FHOD3: variants seen among roughly 807,000 people sequenced by gnomAD.
FHOD3 encodes the protein formin homology 2 domain containing 3.
A neutral mutation model predicts 173.0 loss-of-function variants in FHOD3; 90 were observed. The ratio of observed to expected loss-of-function variants is 0.52; its 90% confidence interval spans 0.44 to 0.62. The LOEUF (loss-of-function observed/expected upper bound fraction) is 0.62. Ranked by LOEUF, FHOD3 falls within the 20% of genes least tolerant of loss-of-function variation. The probability of loss-of-function intolerance (pLI) is 0.00; values close to 1 mark genes in which losing one functional copy is unlikely to be tolerated. For synonymous variants in FHOD3, 828 were observed against 823.0 expected, an observed-to-expected ratio of 1.01 and a Z score of -0.10; for missense variants, 1,945 against 2,034.7, an observed-to-expected ratio of 0.96 and a Z score of 0.85.
intron 5 of FHOD3, among the ~76,000 whole-genome samples, chr18:36,549,011 A>C (rs1480376601): frequency 8.5e-5 from 13 of 152,184 alleles, no homozygotes; most frequent in Admixed American, 8.5e-4. Flanking sequence ...ACAACTTCCA[A>C]AGGAGTTGTA....
chr18:36,465,035 A>T (rs1410336073), intron 3 of FHOD3, among the ~76,000 whole-genome samples: 2 of 152,196 alleles, frequency 1.3e-5, no homozygotes, highest in African/African-American at 2.4e-5. Context: ...CTTAGGCAAA[A>T]AGTTAGACAT....
At chr18:36,707,273 A>AGC (rs1555813563) in intron 17 of FHOD3, among the ~76,000 whole-genome samples, 1 of 152,132 alleles carries the variant, frequency 6.6e-6, no homozygotes, top group African/African-American at 2.4e-5. Context: ...CCTCAGCTGC[A>AGC]GGGGGGTCTT....
intron 3 of FHOD3, among the ~76,000 whole-genome samples, chr18:36,486,175 C>T (rs768756088): frequency 1.8e-4 from 28 of 152,164 alleles, no homozygotes; most frequent in Non-Finnish European, 3.2e-4. Flanking sequence ...GCAACACTGG[C>T]TCTCTCCTGG....
chr18:36,748,670 G>A (rs1248548138), intron 24 of FHOD3, among the ~76,000 whole-genome samples: 1 of 152,162 alleles, frequency 6.6e-6, no homozygotes, highest in Admixed American at 6.5e-5. Flanking sequence ...ATGACCAGGA[G>A]GAGCCAGAAG....
chr18:36,530,484 T>G (rs1040677836), intron 5 of FHOD3, among the ~76,000 whole-genome samples: 1 of 152,156 alleles, frequency 6.6e-6, no homozygotes, highest in African/African-American at 2.4e-5. Context: ...TTGTGAGTGA[T>G]TGTTGAGAGA....
At chr18:36,510,654 C>T (rs2055581087) in intron 4 of FHOD3, among the ~76,000 whole-genome samples, 2 of 152,302 alleles carry the variant, frequency 1.3e-5, no homozygotes, top group South Asian at 4.1e-4. Flanking sequence ...TCTGACTAGA[C>T]ATGAGCTCAT....
intron 18 of FHOD3, among the ~76,000 whole-genome samples, chr18:36,715,912 T>G (rs1212049190): frequency 2.0e-5 from 3 of 152,212 alleles, no homozygotes; most frequent in Non-Finnish European, 4.4e-5. Flanking sequence ...GCTGACACCC[T>G]GAGGCCAGAT....
At chr18:36,753,092 G>A (rs1204729257) in intron 24 of FHOD3, among the ~76,000 whole-genome samples, 1 of 152,168 alleles carries the variant, frequency 6.6e-6, no homozygotes, top group Non-Finnish European at 1.5e-5. Flanking sequence ...GAGACCTGTG[G>A]AATGAGTGAG....
intron 3 of FHOD3, among the ~76,000 whole-genome samples, chr18:36,448,010 A>G (rs185226878): frequency 4.6e-5 from 7 of 152,342 alleles, no homozygotes; most frequent in African/African-American, 1.7e-4. Flanking sequence ...AACAATGTGA[A>G]TTGAAGGTAT....
At chr18:36,708,198 C>T (rs916633146) in intron 17 of FHOD3, among the ~76,000 whole-genome samples, 2 of 152,204 alleles carry the variant, frequency 1.3e-5, no homozygotes, top group African/African-American at 2.4e-5. Flanking sequence ...AAATCTCCAG[C>T]GTTGATAGGT....
At chr18:36,487,240 G>A (rs1433238914) in intron 3 of FHOD3, among the ~76,000 whole-genome samples, 2 of 152,310 alleles carry the variant, frequency 1.3e-5, no homozygotes, top group East Asian at 1.9e-4. Flanking sequence ...TTCTAGAGAG[G>A]TTGCAGCATC....
chr18:36,360,182 G>A (rs2046540507), intron 2 of FHOD3, among the ~76,000 whole-genome samples: 1 of 152,222 alleles, frequency 6.6e-6, no homozygotes, highest in African/African-American at 2.4e-5. Context: ...GGATATGGTG[G>A]CTTTGGGTAT....
At chr18:36,740,994 C>A (rs762790942) in intron 21 of FHOD3, among the ~76,000 whole-genome samples, 156 bp downstream of exon 21, 9 of 152,140 alleles carry the variant, frequency 5.9e-5, no homozygotes, top group Admixed American at 2.0e-4. Flanking sequence ...ACCAAGTGAT[C>A]AGCAGCTGGC....
chr18:36,600,528 CT>C (rs2148457917), intron 7 of FHOD3, among the ~76,000 whole-genome samples: 1 of 152,310 alleles, frequency 6.6e-6, no homozygotes, highest in Admixed American at 6.5e-5. Context: ...AACATCCATC[CT>C]AAGAGTGTAC....
At chr18:36,642,582 C>CAAAAA (rs35920197) in intron 10 of FHOD3, among the ~76,000 whole-genome samples, 1 of 61,806 alleles carries the variant, frequency 1.6e-5, no homozygotes, top group Admixed American at 1.8e-4. Context: ...GACTCCGTCT[C>CAAAAA]AAAAAAAAAA....
At chr18:36,747,536 G>C (rs8083264) in intron 24 of FHOD3, among the ~76,000 whole-genome samples, 1 of 152,042 alleles carries the variant, frequency 6.6e-6, no homozygotes, top group African/African-American at 2.4e-5. Flanking sequence ...GCTGGCCTTC[G>C]GAGGACCTTC....
At chr18:36,400,317 A>G (rs1256918460) in intron 3 of FHOD3, among the ~76,000 whole-genome samples, 1 of 152,226 alleles carries the variant, frequency 6.6e-6, no homozygotes, top group Non-Finnish European at 1.5e-5. Flanking sequence ...AAATTTTACC[A>G]AAAGAAAAAT....
chr18:36,740,540 C>G, intron 20 of FHOD3, 116 bp from the exon 21 acceptor site: 1 of 1,054,958 alleles, frequency 9.5e-7, no homozygotes, highest in Non-Finnish European at 1.4e-6. Context: ...AATATAACAC[C>G]TGTACATACC....
At chr18:36,616,504 T>C (rs116730358) in intron 9 of FHOD3, among the ~76,000 whole-genome samples, 274 of 152,348 alleles carry the variant, frequency 1.8e-3, no homozygotes, top group African/African-American at 6.5e-3. Context: ...TGCCAGACTT[T>C]GAAGAAATTA....
Sources: allele counts gnomAD v4.1 joint callset (sites outside exome capture counted in the v4.1 genomes callset), GRCh38; gene constraint gnomAD v4.1.1; transcripts MANE v1.5; gene names NCBI Gene and HGNC (gene_info 2026-07-23, HGNC 2026-07-21).